ESRRG: variants seen among roughly 807,000 people sequenced by gnomAD.
ESRRG encodes the protein estrogen related receptor gamma.
ESRRG carries 13 observed loss-of-function variants against 44.0 expected under a neutral mutation model. That is an observed-to-expected ratio of 0.30 (90% CI 0.19 to 0.47). ESRRG has a LOEUF of 0.47. Ranked by LOEUF, ESRRG falls within the 20% of genes least tolerant of loss-of-function variation. The pLI is 1.00. For synonymous variants in ESRRG, 215 were observed against 214.6 expected (o/e 1.00, Z -0.02); for missense variants, 395 against 580.6 (o/e 0.68, Z 3.29).
At chr1:216,850,880 T>C (rs999842879) in intron 2 of ESRRG, among the ~76,000 whole-genome samples, 1 of 151,922 alleles carries the variant, frequency 6.6e-6, no homozygotes, top group Non-Finnish European at 1.5e-5. Flanking sequence ...AAGAAAGAGA[T>C]GTGCTTAGAT....
intron 3 of ESRRG, among the ~76,000 whole-genome samples, chr1:216,620,299 A>G (rs1467778353): frequency 6.6e-6 from 1 of 152,194 alleles, no homozygotes; most frequent in Non-Finnish European, 1.5e-5. Flanking sequence ...TAATACGTGT[A>G]AAGCATTTAG....
intron 3 of ESRRG, among the ~76,000 whole-genome samples, chr1:216,633,707 T>A (rs1218608213): frequency 6.6e-6 from 1 of 152,220 alleles, no homozygotes; most frequent in Non-Finnish European, 1.5e-5. Flanking sequence ...ACAGTGGGAT[T>A]AGGAGAAACA....
chr1:216,766,999 C>A (rs571991921), intron 2 of ESRRG, among the ~76,000 whole-genome samples: 1 of 152,214 alleles, frequency 6.6e-6, no homozygotes, highest in Admixed American at 6.5e-5. Flanking sequence ...TCATTTATAA[C>A]CACTGAACTT....
chr1:216,564,132 A>C, intron 5 of ESRRG, 87 bp downstream of exon 5: 1 of 785,036 alleles, frequency 1.3e-6, no homozygotes, highest in Non-Finnish European at 1.9e-6. Context: ...TCTAAATGAG[A>C]AAAATTTGAA....
intron 2 of ESRRG, among the ~76,000 whole-genome samples, chr1:216,776,897 A>G (rs2093635162): frequency 6.6e-6 from 1 of 152,118 alleles, no homozygotes; most frequent in Admixed American, 6.6e-5. Context: ...CACCTTCACA[A>G]CCATTGGGTA....
chr1:216,837,081 G>A (rs987282355), intron 2 of ESRRG, among the ~76,000 whole-genome samples: 1 of 151,290 alleles, frequency 6.6e-6, no homozygotes, highest in Non-Finnish European at 1.5e-5. Flanking sequence ...CATTTGTCCA[G>A]TCACAGGTAA....
intron 1 of ESRRG, among the ~76,000 whole-genome samples, chr1:216,971,727 A>G (rs2071710283): frequency 6.6e-6 from 1 of 152,210 alleles, no homozygotes; most frequent in Non-Finnish European, 1.5e-5. Flanking sequence ...ACGAACAATG[A>G]GACTGAACTA....
At chr1:216,603,126 C>CA (rs915242318) in intron 3 of ESRRG, among the ~76,000 whole-genome samples, 10 of 152,204 alleles carry the variant, frequency 6.6e-5, no homozygotes, top group South Asian at 2.1e-4. Context: ...TTTGATATTA[C>CA]AAAAAATCCC....
At chr1:217,085,424 T>G (rs1336770380) in intron 1 of ESRRG, among the ~76,000 whole-genome samples, 1 of 151,734 alleles carries the variant, frequency 6.6e-6, no homozygotes, top group Admixed American at 6.6e-5. Flanking sequence ...GGTTCAAAAT[T>G]ATCTAAAGAT....
At chr1:216,620,947 C>A (rs1173347425) in intron 3 of ESRRG, among the ~76,000 whole-genome samples, 2 of 152,026 alleles carry the variant, frequency 1.3e-5, no homozygotes, top group Non-Finnish European at 2.9e-5. Flanking sequence ...ATCTGCTATC[C>A]CTTGAGATAA....
At chr1:216,528,925 C>T (rs2048464072) in intron 5 of ESRRG, among the ~76,000 whole-genome samples, 1 of 152,028 alleles carries the variant, frequency 6.6e-6, no homozygotes, top group Non-Finnish European at 1.5e-5. Context: ...CATTGCAGCA[C>T]CAAGGGAGTA....
chr1:216,635,777 C>T (rs770395951), intron 3 of ESRRG, among the ~76,000 whole-genome samples: 11 of 152,004 alleles, frequency 7.2e-5, no homozygotes, highest in Non-Finnish European at 1.6e-4. Flanking sequence ...CTGACCCCAG[C>T]GAGACATGGA....
At chr1:216,868,535 C>T (rs1311007088) in intron 2 of ESRRG, among the ~76,000 whole-genome samples, 2 of 152,098 alleles carry the variant, frequency 1.3e-5, no homozygotes, top group Non-Finnish European at 2.9e-5. Flanking sequence ...TAATTATATA[C>T]AGATTTTTAT....
At chr1:216,861,385 A>T (rs930624682) in intron 2 of ESRRG, among the ~76,000 whole-genome samples, 2 of 152,052 alleles carry the variant, frequency 1.3e-5, no homozygotes, top group Non-Finnish European at 2.9e-5. Flanking sequence ...TCTCCAATAC[A>T]AATAAATGCT....
chr1:216,983,326 G>A (rs2074302775), intron 1 of ESRRG, among the ~76,000 whole-genome samples: 2 of 151,788 alleles, frequency 1.3e-5, no homozygotes, highest in African/African-American at 4.8e-5. Flanking sequence ...CGATCTCCTG[G>A]GCTCAAGTGA....
At chr1:216,989,517 A>G (rs1375246631) in intron 1 of ESRRG, among the ~76,000 whole-genome samples, 2 of 152,204 alleles carry the variant, frequency 1.3e-5, no homozygotes, top group Non-Finnish European at 1.5e-5. Context: ...TCATCAACCA[A>G]TAGGTGAAAA....
chr1:216,801,812 A>T lies in ESRRG; in HGVS notation c.-13-124321T>A, dbSNP rs569806770. ...GATGGTTTTCCTGCTATTGAGTTGT[A>T]TGAGTTACCAATTCTTGATAATTAG... On this transcript the variant is annotated intron_variant, in intron 2 of 7. Coordinates refer to the ESRRG transcript ENST00000359162. Among the ~76,000 whole-genome samples, 6 of 152,224 alleles carry T rather than the reference A, an allele frequency of 3.9e-5. No individual in the cohort carries two copies. In the East Asian group the frequency reaches 1.2e-3, roughly 29 times the overall value.
chr1:216,798,942 C>A (rs998617182), intron 2 of ESRRG, among the ~76,000 whole-genome samples: 1 of 152,096 alleles, frequency 6.6e-6, no homozygotes, highest in Non-Finnish European at 1.5e-5. Flanking sequence ...GTATATAAAT[C>A]ATTGTCACAG....
chr1:216,520,532 T>A (rs989311779), intron 5 of ESRRG, among the ~76,000 whole-genome samples: 2 of 152,086 alleles, frequency 1.3e-5, no homozygotes, highest in Admixed American at 1.3e-4. Context: ...AGATATATAT[T>A]TATATATCAG....
Sources: gnomAD v4.1 joint callset for allele counts (sites outside exome capture counted in the v4.1 genomes callset) on GRCh38, gnomAD v4.1.1 for gene constraint, MANE v1.5 for transcripts, NCBI Gene and HGNC (gene_info 2026-07-23, HGNC 2026-07-21) for gene names.